The following PTPRD variants were observed in gnomAD, a reference collection of about 807,000 sequenced individuals.
PTPRD encodes receptor-type tyrosine-protein phosphatase delta.
Under a neutral mutation model 214.5 loss-of-function variants are expected in PTPRD, and 34 were observed. The ratio of observed to expected loss-of-function variants is 0.16; its 90% CI spans 0.12 to 0.21. The LOEUF is 0.21. PTPRD is among the 10% of genes least tolerant of loss of function. PTPRD has a pLI of 1.00. For synonymous variants in PTPRD, 1,128 were observed against 845.7 expected, an observed-to-expected ratio of 1.33 and a Z score of -5.79; for missense variants, 2,545 against 2,398.7, an observed-to-expected ratio of 1.06 and a Z score of -1.27.
At chr9:9,786,590 G>A (rs1055779596) in intron 5 of PTPRD, among the ~76,000 whole-genome samples, 1 of 152,102 alleles carries the variant, frequency 6.6e-6, no homozygotes, top group Non-Finnish European at 1.5e-5. Flanking sequence ...GCAAGACGAG[G>A]AGTACTTTAA....
At chr9:9,828,346 C>T (rs1234381759) in intron 5 of PTPRD, among the ~76,000 whole-genome samples, 1 of 152,066 alleles carries the variant, frequency 6.6e-6, no homozygotes, top group African/African-American at 2.4e-5. Flanking sequence ...GAGTTCAAGT[C>T]CTTTGTAAGG....
At chr9:8,367,014 G>A (rs1006979112) in intron 39 of PTPRD, among the ~76,000 whole-genome samples, 4 of 152,144 alleles carry the variant, frequency 2.6e-5, no homozygotes, top group African/African-American at 9.7e-5. Flanking sequence ...CTTTGTCCTT[G>A]AAAGTGGATT....
At chr9:10,151,683 C>T (rs1273468944) in intron 3 of PTPRD, among the ~76,000 whole-genome samples, 5 of 152,054 alleles carry the variant, frequency 3.3e-5, no homozygotes, top group African/African-American at 1.2e-4. Flanking sequence ...CGACCACCAC[C>T]ACAATCAAGA....
At chr9:9,262,390 CT>C in intron 9 of PTPRD, among the ~76,000 whole-genome samples, 2 of 151,026 alleles carry the variant, frequency 1.3e-5, no homozygotes, top group East Asian at 3.9e-4. Flanking sequence ...TGTTTACATG[CT>C]TTTTTCCCCA....
intron 10 of PTPRD, among the ~76,000 whole-genome samples, chr9:9,029,710 G>T (rs1356676709): frequency 6.6e-6 from 1 of 151,874 alleles, no homozygotes; most frequent in East Asian, 1.9e-4. Context: ...GGAATGTACG[G>T]TAGTGGTGGA....
intron 10 of PTPRD, among the ~76,000 whole-genome samples, chr9:9,154,490 G>T (rs1447576446): frequency 1.3e-5 from 2 of 151,978 alleles, no homozygotes; most frequent in African/African-American, 4.8e-5. Context: ...CTAGCCTTCT[G>T]GTCTCTTTTC....
intron 11 of PTPRD, among the ~76,000 whole-genome samples, chr9:8,999,086 C>T (rs555151208): frequency 4.9e-4 from 75 of 152,110 alleles, no homozygotes; most frequent in Middle Eastern, 3.4e-3. Context: ...ATGCTGTGAA[C>T]ATTGTTGAAA....
intron 7 of PTPRD, among the ~76,000 whole-genome samples, chr9:9,731,776 A>G (rs183765828): frequency 6.6e-6 from 1 of 152,322 alleles, no homozygotes; most frequent in African/African-American, 2.4e-5. Flanking sequence ...ACTTGGACAC[A>G]GTAAGGTTAT....
At chr9:9,323,676 C>A (rs547746520) in intron 9 of PTPRD, among the ~76,000 whole-genome samples, 1 of 152,172 alleles carries the variant, frequency 6.6e-6, no homozygotes, top group East Asian at 1.9e-4. Flanking sequence ...TAGGCAGTTC[C>A]ATATGCATTC....
intron 18 of PTPRD, 88 bp from the exon 19 acceptor site, chr9:8,523,612 T>C: frequency 1.4e-6 from 2 of 1,424,450 alleles, no homozygotes; most frequent in Non-Finnish European, 2.0e-6. Context: ...AAAAAGGCCA[T>C]ATCAAGGCTT....
rs555444702 is a variant in PTPRD, at chr9:10,502,489, C to G, written c.-600+109909G>C. On this transcript the variant is annotated intron_variant, in intron 2 of 45. Transcript: ENST00000381196. ...CAATAAGGTAAAAAAGTTGACTCCA[C>G]AAGACACAATTTTCACCCAACTATT... 2.6e-5 allele frequency among the ~76,000 whole-genome samples: 4 copies of G among 152,080 alleles called. No homozygotes were observed. The South Asian group carries it at 8.3e-4, about 32-fold the overall frequency.
intron 33 of PTPRD, chr9:8,454,483 G>A (rs1218854200): frequency 7.7e-7 from 1 of 1,292,356 alleles, no homozygotes; most frequent in Non-Finnish European, 1.1e-6. Flanking sequence ...ATTATCTTTT[G>A]TGTGCAGCCC....
chr9:9,906,779 G>C (rs1006545334), intron 5 of PTPRD, among the ~76,000 whole-genome samples: 1 of 151,836 alleles, frequency 6.6e-6, no homozygotes, highest in African/African-American at 2.4e-5. Context: ...GGAGTTTTTT[G>C]TTACAGACCA....
intron 10 of PTPRD, among the ~76,000 whole-genome samples, chr9:9,019,313 A>AAAGAAAGAAAGAAAGAAAGAAAGG (rs1569428893): frequency 4.9e-4 from 52 of 106,440 alleles, no homozygotes; most frequent in Non-Finnish European, 8.0e-4. Flanking sequence ...AGAAAGAAAG[A>AAAGAAAGAAAGAAAGAAAGAAAGG]AAGAAAGAAA....
chr9:9,947,636 T>TTATATA (rs35323852), intron 4 of PTPRD, among the ~76,000 whole-genome samples: 3 of 70,232 alleles, frequency 4.3e-5, no homozygotes, highest in East Asian at 5.4e-4. Context: ...AATATATATT[T>TTATATA]TATATATATA....
At chr9:9,792,023 G>C (rs1055451214) in intron 5 of PTPRD, among the ~76,000 whole-genome samples, 6 of 151,944 alleles carry the variant, frequency 3.9e-5, no homozygotes, top group Admixed American at 2.0e-4. Context: ...AAAAACTTAA[G>C]TCTTATCATT....
intron 3 of PTPRD, among the ~76,000 whole-genome samples, chr9:10,243,288 AC>A (rs1160873593): frequency 6.6e-6 from 1 of 152,012 alleles, no homozygotes; most frequent in Non-Finnish European, 1.5e-5. Context: ...GCATTTGGCC[AC>A]AGCTAAAGTG....
chr9:10,324,707 T>C (rs1361050728), intron 3 of PTPRD, among the ~76,000 whole-genome samples: 1 of 152,022 alleles, frequency 6.6e-6, no homozygotes, highest in Non-Finnish European at 1.5e-5. Flanking sequence ...TCACCCCGCC[T>C]TCAAAGAAAC....
At chr9:10,496,166 T>G (rs894618128) in intron 2 of PTPRD, among the ~76,000 whole-genome samples, 2 of 151,848 alleles carry the variant, frequency 1.3e-5, no homozygotes, top group African/African-American at 4.8e-5. Context: ...ATGGCTATAA[T>G]ATAAAAAATG....
Sources: gnomAD v4.1 joint callset for allele counts (sites outside exome capture counted in the v4.1 genomes callset) on GRCh38, gnomAD v4.1.1 for gene constraint, MANE v1.5 for transcripts, NCBI Gene and HGNC (gene_info 2026-07-23, HGNC 2026-07-21) for gene names.